The following RORA variants were observed in gnomAD, a reference collection of about 807,000 sequenced individuals.
The protein encoded by RORA is RAR related orphan receptor A.
RORA carries 7 observed loss-of-function variants against 69.5 expected under a neutral mutation model. The ratio of observed to expected loss-of-function variants is 0.10; its 90% CI spans 0.06 to 0.19. The LOEUF (loss-of-function observed/expected upper bound fraction) is 0.19, where lower values mean the gene tolerates loss of function less well. Ranked by LOEUF, RORA falls within the 10% of genes least tolerant of loss-of-function variation. The pLI is 1.00. For synonymous variants in RORA, 261 were observed against 240.8 expected (o/e 1.08, Z -0.78); for missense variants, 457 against 663.0 (o/e 0.69, Z 3.41).
At chr15:61,060,245 CTAGTATCCT>C (rs2078163893) in intron 1 of RORA, among the ~76,000 whole-genome samples, 1 of 152,208 alleles carries the variant, frequency 6.6e-6, no homozygotes, top group African/African-American at 2.4e-5. Flanking sequence ...TCCACCACGC[CTAGTATCCT>C]GCTGGGCCAA....
chr15:60,917,814 T>C (rs924611767), intron 1 of RORA, among the ~76,000 whole-genome samples: 5 of 152,200 alleles, frequency 3.3e-5, no homozygotes, highest in African/African-American at 1.2e-4. Context: ...GAAGTGGAGT[T>C]ATAATCTCCC....
chr15:61,208,364 T>C (rs1457913068), intron 1 of RORA, among the ~76,000 whole-genome samples: 1 of 152,074 alleles, frequency 6.6e-6, no homozygotes, highest in Admixed American at 6.6e-5. Context: ...AATCTATATA[T>C]AGAGAAAACA....
intron 1 of RORA, among the ~76,000 whole-genome samples, chr15:61,116,664 T>C (rs145389956): frequency 3.6e-4 from 55 of 152,322 alleles, no homozygotes; most frequent in African/African-American, 1.3e-3. Context: ...ACTGAAAACA[T>C]TGACGAGCTT....
chr15:61,123,227 C>A (rs1453892618), intron 1 of RORA, among the ~76,000 whole-genome samples: 1 of 151,982 alleles, frequency 6.6e-6, no homozygotes, highest in Non-Finnish European at 1.5e-5. Flanking sequence ...AGGGGGTGCA[C>A]CCTACATAAG....
chr15:61,042,903 G>A (rs950201956), intron 1 of RORA, among the ~76,000 whole-genome samples: 2 of 152,162 alleles, frequency 1.3e-5, no homozygotes, highest in Admixed American at 6.5e-5. Flanking sequence ...CTAAAGCAAT[G>A]CATCAAAGAG....
chr15:60,516,223 TTATATATATATTTATATATATATATTTA>T lies in RORA; in HGVS notation c.283-1494_283-1467del, dbSNP rs1567052649. Among the ~76,000 whole-genome samples the T allele has an allele frequency of 4.2e-4, 5 of 11,848 alleles. 1 individual carries two copies. The highest frequency in any genetic ancestry group is 7.8e-4 in the African/African-American group (5 of 6,370). 7.8% of individuals were successfully genotyped at this position (11,848 alleles called of 152,430 possible). A position where few individuals can be genotyped will look rare whatever the true frequency, so the allele number is the denominator to read the frequency against. On this transcript the variant is annotated intron_variant, in intron 3 of 10. Transcript: ENST00000335670. ...TATATATATATTTATATATATATAT[TTATATATATATTTATATATATATATTTA>T]TATATATATATTTATATATTTTTTT...
chr15:60,574,626 T>A (rs1010038831), intron 2 of RORA, among the ~76,000 whole-genome samples: 2 of 152,250 alleles, frequency 1.3e-5, no homozygotes, highest in African/African-American at 4.8e-5. Flanking sequence ...ATAACAACAC[T>A]TCTTCAGTGC....
At chr15:60,548,201 G>A (rs866248711) in intron 2 of RORA, among the ~76,000 whole-genome samples, 4 of 152,138 alleles carry the variant, frequency 2.6e-5, no homozygotes, top group African/African-American at 9.7e-5. Context: ...GAAAGTAGTC[G>A]TCGGCATGGT....
chr15:60,593,070 A>G, intron 2 of RORA: 1 of 392,892 alleles, frequency 2.5e-6, no homozygotes. Context: ...GTGGAGAACG[A>G]AGCCACTGGG....
rs536698649 is a variant in RORA at position 60,703,345 on chromosome 15, C to A, written c.167-24659G>T. ...TGGAAAGTTCTCTGAGGCCCTAAGT[C>A]CATTGACAAATATAGCACTAAGATG... is the stretch of plus-strand genomic sequence containing the variant. On this transcript the variant is annotated intron_variant, in intron 1 of 10. Coordinates refer to ENST00000335670, the MANE Select transcript of RORA (RefSeq NM_134261.3). Among the ~76,000 whole-genome samples, 3 of 152,276 alleles carry A rather than the reference C, an allele frequency of 2.0e-5. No individual in the cohort carries two copies. The East Asian group carries it at 5.8e-4, about 29-fold the overall frequency.
At chr15:60,902,895 C>A (rs764782896) in intron 1 of RORA, among the ~76,000 whole-genome samples, 2 of 152,206 alleles carry the variant, frequency 1.3e-5, no homozygotes, top group Non-Finnish European at 2.9e-5. Flanking sequence ...TAGGGGCGTA[C>A]TCCGCTGAAA....
intron 1 of RORA, among the ~76,000 whole-genome samples, chr15:60,868,044 T>C (rs928621210): frequency 6.6e-6 from 1 of 152,214 alleles, no homozygotes; most frequent in Non-Finnish European, 1.5e-5. Flanking sequence ...TTTCCCCAAA[T>C]AGCTCTTAAA....
intron 2 of RORA, among the ~76,000 whole-genome samples, chr15:60,653,851 T>C (rs572890666): frequency 6.6e-6 from 1 of 152,254 alleles, no homozygotes; most frequent in South Asian, 2.1e-4. Context: ...ATGTTGGCTG[T>C]CTTATTTGCC....
rs549302760 is a variant in RORA at position 60,563,064 on chromosome 15, A to T, written c.197-31213T>A. 1.3e-3 allele frequency among the ~76,000 whole-genome samples: 191 copies of T among 152,268 alleles called. 1 individual carries two copies. Among genetic ancestry groups the T allele is most frequent in the African/African-American group, 4.4e-3 (184 of 41,548 alleles). The stretch of plus-strand genomic sequence containing the variant: ...ATGCTATACTTAATCATATTTTCTG[A>T]ATCTTGTTACTTAAGGCGGACACGT... On this transcript the variant is annotated intron_variant, in intron 2 of 10. Transcript: ENST00000335670.
chr15:60,602,779 T>C (rs143159298), intron 2 of RORA, among the ~76,000 whole-genome samples: 1 of 152,360 alleles, frequency 6.6e-6, no homozygotes, highest in African/African-American at 2.4e-5. Flanking sequence ...TTTAATCTTA[T>C]TAAAATATAA....
In RORA at chr15:60,814,255, C is replaced by T. The variant is rs180703597; in HGVS notation, c.167-135569G>A. On this transcript the variant is annotated intron_variant, in intron 1 of 10. Coordinates refer to ENST00000335670, the MANE Select transcript of RORA (RefSeq NM_134261.3). ...TCCTCCCCAAAACTTTCTCCAACTC[C>T]CCAGGCAGAATTAGCCAGCGTTCTT... 3.3e-5 allele frequency among the ~76,000 whole-genome samples: 5 copies of T among 152,274 alleles called. No homozygotes were observed. In the East Asian group the frequency reaches 5.8e-4, roughly 18 times the overall value.
At chr15:61,224,451 C>G (rs1178132403) in intron 1 of RORA, among the ~76,000 whole-genome samples, 1 of 152,216 alleles carries the variant, frequency 6.6e-6, no homozygotes, top group Non-Finnish European at 1.5e-5. Context: ...CTCAATTCAT[C>G]AAGTAGCCTG....
chr15:60,791,766 C>G (rs564921193), intron 1 of RORA, among the ~76,000 whole-genome samples: 60 of 152,316 alleles, frequency 3.9e-4, no homozygotes, highest in Non-Finnish European at 7.2e-4. Context: ...CTGCTGTCGA[C>G]CGCAGGAACA....
At chr15:60,942,156 C>T (rs1344542845) in intron 1 of RORA, among the ~76,000 whole-genome samples, 3 of 152,082 alleles carry the variant, frequency 2.0e-5, no homozygotes, top group African/African-American at 7.2e-5. Context: ...AGCCACAGCT[C>T]ATCATAAACG....
Sources: gnomAD v4.1 joint callset for allele counts (sites outside exome capture counted in the v4.1 genomes callset) on GRCh38, gnomAD v4.1.1 for gene constraint, MANE v1.5 for transcripts, NCBI Gene and HGNC (gene_info 2026-07-23, HGNC 2026-07-21) for gene names.